Variants in DNPEP observed in about 807,000 individuals in gnomAD.
DNPEP encodes the protein aspartyl aminopeptidase.
In DNPEP, 46 loss-of-function variants were observed where a neutral mutation model predicts 59.1. That is an observed-to-expected ratio of 0.78 (90% CI 0.61 to 0.99). DNPEP has a LOEUF of 0.99. DNPEP is among the 50% of genes least tolerant of loss of function. The pLI is 0.00. For missense variants in DNPEP, 617 were observed against 649.9 expected (o/e 0.95, Z 0.55); for synonymous variants, 229 against 242.2 (o/e 0.95, Z 0.50).
intron 1 of DNPEP, 151 bp downstream of exon 1, chr2:219,387,608 C>CG: frequency 6.5e-7 from 1 of 1,536,114 alleles, no homozygotes; most frequent in Non-Finnish European, 8.8e-7. Context: ...CTTCCAGTCC[C>CG]GGGAAAGTCG....
At chr2:219,379,849 C>G (rs1953516372) in intron 13 of DNPEP, among the ~76,000 whole-genome samples, 2 of 151,980 alleles carry the variant, frequency 1.3e-5, no homozygotes, top group South Asian at 2.1e-4. Context: ...ACCTGGGAGG[C>G]AGAGGTTGCA....
chr2:219,396,577 G>A (rs182961636), intron 1 of DNPEP, among the ~76,000 whole-genome samples: 1 of 151,120 alleles, frequency 6.6e-6, no homozygotes, highest in Non-Finnish European at 1.5e-5. Context: ...AACAGAGCAA[G>A]ACTCCATCTC....
At chr2:219,382,219 C>T (rs1285013048) in intron 10 of DNPEP, 80 bp from the exon 11 acceptor site, 2 of 1,494,594 alleles carry the variant, frequency 1.3e-6, no homozygotes, top group Non-Finnish European at 1.8e-6. Context: ...GGCCCATTGC[C>T]CAACTGGCCC....
In DNPEP at chr2:219,384,387, G is replaced by A. The variant is rs1559337656; in HGVS notation, c.831C>T (p.His277=). Reference sequence around the variant, plus strand: ...TCACCTGCAGGGCACAGAAGCAGCTGTGCAGATTGTCCAGCCGAGGAGCAA... The same window carrying A: ...TCACCTGCAGGGCACAGAAGCAGCTATGCAGATTGTCCAGCCGAGGAGCAA... The part of the protein sequence containing the change: ...FIFAPRLDNL[H]SCFCALQALI... Residue 277 remains histidine, a synonymous_variant, in exon 9 of 15, where the codon CAC becomes CAT. Transcript: ENST00000273075. 1.2e-6 allele frequency: 2 copies of A among 1,610,926 alleles called. No homozygotes were observed. The highest frequency in any genetic ancestry group is 2.2e-5 in the South Asian group (2 of 90,384).
intron 13 of DNPEP, among the ~76,000 whole-genome samples, chr2:219,379,056 T>G (rs1211962485): frequency 6.6e-6 from 1 of 152,130 alleles, no homozygotes; most frequent in Non-Finnish European, 1.5e-5. Context: ...TAGCTGGGAT[T>G]ACAGGCGCAC....
At chr2:219,392,944 T>C (rs561070469), upstream of DNPEP, among the ~76,000 whole-genome samples, 2 of 152,180 alleles carry the variant, frequency 1.3e-5, no homozygotes, top group Non-Finnish European at 2.9e-5. Context: ...CTGCTCTAGA[T>C]TTGCGGACTT....
At chr2:219,396,301 CA>C (rs1245286361) in intron 1 of DNPEP, among the ~76,000 whole-genome samples, 1 of 152,066 alleles carries the variant, frequency 6.6e-6, no homozygotes, top group Admixed American at 6.6e-5. Flanking sequence ...TTAAGATAAA[CA>C]AGGGCTGGGC....
chr2:219,387,223 G>A, intron 1 of DNPEP, 60 bp from the exon 2 acceptor site: 1 of 1,534,594 alleles, frequency 6.5e-7, no homozygotes, highest in Admixed American at 2.0e-5. Context: ...TTTCACCCAG[G>A]TTCCGAGGAT....
rs200870778 is a variant in DNPEP at position 219,386,901 on chromosome 2, G to A, written c.210C>T (p.Pro70=). 88 of 1,609,524 alleles carry A rather than the reference G, an allele frequency of 5.5e-5. No homozygotes were observed. The African/African-American group carries it at 5.6e-4, about 10-fold the overall frequency. The change falls in exon 3 of 15, where the codon CCC becomes CCT. Residue 70 remains proline (P), a synonymous_variant. Transcript: ENST00000273075. ...ACCCCACCCCCAGTACCTTGCTCTC[G>A]GGCTTAATATTCCATTTCTCAGTCT... ...LKETEKWNIK[P]ESKYFMTRNS...
chr2:219,382,145 G>A lies in DNPEP; in HGVS notation c.937-6C>T, dbSNP rs77447846. On this transcript the variant is annotated splice_region_variant and splice_polypyrimidine_tract_variant and intron_variant, in intron 10 of 14. Coordinates refer to ENST00000273075, the MANE Select transcript of DNPEP (RefSeq NM_012100.4). ...TGTGCACTCTCAGACCCCACCTGGC[G>A]ACAGTAGAGTCCTGACTCTGGGAAT... 2,707 of 1,607,552 alleles carry A rather than the reference G, an allele frequency of 1.7e-3. 31 individuals carry two copies. In the African/African-American group the frequency reaches 0.031, roughly 18 times the overall value.
intron 13 of DNPEP, among the ~76,000 whole-genome samples, chr2:219,376,280 G>A (rs1050134140): frequency 6.6e-6 from 1 of 152,082 alleles, no homozygotes; most frequent in Non-Finnish European, 1.5e-5. Flanking sequence ...ATGATTCCAG[G>A]AGTTCAAGAC....
intron 1 of DNPEP, chr2:219,399,830 A>C: frequency 6.5e-7 from 1 of 1,536,524 alleles, no homozygotes; most frequent in Non-Finnish European, 8.8e-7. Flanking sequence ...ACGTGTCTGC[A>C]CTGGCTGGCC....
In DNPEP at chr2:219,387,683, G is replaced by T. The variant is rs73085230; in HGVS notation, c.36+76C>A. 1.4e-3 allele frequency: 2,285 copies of T among 1,595,428 alleles called. 28 individuals are homozygous for T. In the African/African-American group the frequency reaches 0.026, roughly 18 times the overall value. On this transcript the variant is annotated intron_variant, in intron 1 of 14. Coordinates refer to ENST00000273075, the MANE Select transcript of DNPEP (RefSeq NM_012100.4). ...TCAGGCGGCCCCACTGCAGCACCGC[G>T]CTAAGCTTGGGCCCCGGAGGGCGCC...
intron 13 of DNPEP, 131 bp from the exon 14 acceptor site, chr2:219,375,153 A>ATTT: frequency 2.2e-6 from 2 of 929,444 alleles, no homozygotes; most frequent in Non-Finnish European, 3.2e-6. Flanking sequence ...AATCAAAGCC[A>ATTT]ATGCTAAATG....
upstream of DNPEP, among the ~76,000 whole-genome samples, chr2:219,392,213 C>T (rs1954026717): frequency 1.3e-5 from 2 of 152,192 alleles, no homozygotes; most frequent in African/African-American, 2.4e-5. Flanking sequence ...TGGAAGATCT[C>T]GGCTGATGTT....
At chr2:219,379,564 T>G (rs1338591154) in intron 13 of DNPEP, among the ~76,000 whole-genome samples, 1 of 152,160 alleles carries the variant, frequency 6.6e-6, no homozygotes, top group Non-Finnish European at 1.5e-5. Flanking sequence ...CTGTACTATG[T>G]GTTTGTGTTT....
intron 1 of DNPEP, chr2:219,399,896 G>A (rs1435505991): frequency 3.9e-6 from 6 of 1,550,462 alleles, no homozygotes. Context: ...AGCTGTTGGG[G>A]ACGAACATGA....
chr2:219,377,271 C>G (rs901200839), intron 13 of DNPEP, among the ~76,000 whole-genome samples: 5 of 82,452 alleles, frequency 6.1e-5, no homozygotes, highest in African/African-American at 2.4e-4. Flanking sequence ...GAAACTCTCA[C>G]TCTGTCAAAA....
Position 219,373,566 on chromosome 2 carries a change from A to G in DNPEP, c.*726T>C, listed in dbSNP as rs1278269810. The stretch of plus-strand genomic sequence containing the variant: ...TTTTTAAGTAGAGATGGGTTTCACC[A>G]TGTTGGCAAGGCTGGTCTTGAACTC... On this transcript the variant is annotated 3_prime_UTR_variant, in exon 15 of 15. Transcript: ENST00000273075. 1.3e-5 allele frequency: 2 copies of G among 152,124 alleles called. No individual in the cohort carries two copies. The highest frequency in any genetic ancestry group is 2.9e-5 in the Non-Finnish European group (2 of 68,082). 9.4% of individuals were successfully genotyped at this position (152,124 alleles called of 1,614,324 possible). A position where few individuals can be genotyped will look rare whatever the true frequency, so the allele number is the denominator to read the frequency against.
Sources: allele counts gnomAD v4.1 joint callset (sites outside exome capture counted in the v4.1 genomes callset), GRCh38; gene constraint gnomAD v4.1.1; transcripts MANE v1.5; gene names NCBI Gene and HGNC (gene_info 2026-07-23, HGNC 2026-07-21).